The following CAMTA1 variants were observed in gnomAD, a reference collection of about 807,000 sequenced individuals.
CAMTA1 encodes calmodulin-binding transcription activator 1.
A neutral mutation model predicts 170.9 loss-of-function variants in CAMTA1; 27 were observed. The observed-to-expected ratio is 0.16, with a 90% CI of 0.12 to 0.22. The LOEUF (loss-of-function observed/expected upper bound fraction) is 0.22, where lower values mean the gene tolerates loss of function less well. Among genes scored for constraint, CAMTA1 ranks in the 10% least tolerant of loss-of-function variants. The pLI, the probability that CAMTA1 is intolerant of heterozygous loss-of-function variation, is 1.00. For synonymous variants in CAMTA1, 833 were observed against 891.5 expected, an observed-to-expected ratio of 0.93 and a Z score of 1.17; for missense variants, 1,619 against 2,217.2, an observed-to-expected ratio of 0.73 and a Z score of 5.42.
In CAMTA1 at chr1:7,104,044, A is replaced by T. The variant is rs904864559; in HGVS notation, c.302+12673A>T. Among the ~76,000 whole-genome samples the T allele has an allele frequency of 6.0e-5, 9 of 150,418 alleles. No individual in the cohort carries two copies. In the East Asian group the frequency reaches 1.8e-3, roughly 30 times the overall value. ...TGTACACACTACATATGCATACAAC[A>T]CACACAACTACACAGATGTACACAC... On this transcript the variant is annotated intron_variant, in intron 4 of 22. Coordinates refer to ENST00000303635, the MANE Select transcript of CAMTA1 (RefSeq NM_015215.4).
intron 4 of CAMTA1, among the ~76,000 whole-genome samples, chr1:7,094,668 C>T (rs1464025549): frequency 6.6e-6 from 1 of 152,110 alleles, no homozygotes; most frequent in Non-Finnish European, 1.5e-5. Flanking sequence ...CCGGGAGCCC[C>T]AGCTCACCTG....
intron 6 of CAMTA1, among the ~76,000 whole-genome samples, chr1:7,502,245 G>A (rs945310002): frequency 1.3e-5 from 2 of 152,174 alleles, no homozygotes; most frequent in African/African-American, 4.8e-5. Flanking sequence ...CCTGGCCAAC[G>A]GCAAGCCTAA....
At chr1:7,366,668 C>T (rs1322287422) in intron 5 of CAMTA1, among the ~76,000 whole-genome samples, 1 of 152,202 alleles carries the variant, frequency 6.6e-6, no homozygotes, top group Non-Finnish European at 1.5e-5. Context: ...TTTTATTTGC[C>T]CAGTCAAGTC....
chr1:7,196,509 C>T (rs1655560512), intron 4 of CAMTA1, among the ~76,000 whole-genome samples: 2 of 152,168 alleles, frequency 1.3e-5, no homozygotes, highest in East Asian at 1.9e-4. Flanking sequence ...TGGAGCACAG[C>T]GTGGCTGGAG....
chr1:7,614,493 C>A (rs372983556), intron 6 of CAMTA1, among the ~76,000 whole-genome samples: 1 of 152,158 alleles, frequency 6.6e-6, no homozygotes, highest in Non-Finnish European at 1.5e-5. Context: ...AGTCACCGTG[C>A]GACCTTCCCG....
At chr1:7,197,676 A>ACACACACACT (rs1655811260) in intron 4 of CAMTA1, among the ~76,000 whole-genome samples, 1 of 129,728 alleles carries the variant, frequency 7.7e-6, no homozygotes, top group African/African-American at 3.3e-5. Flanking sequence ...ACACACACAC[A>ACACACACACT]CAATCTACTT....
In CAMTA1 at chr1:6,918,895, A is replaced by G. The variant is rs1571706797; in HGVS notation, c.234+93685A>G. On this transcript the variant is annotated intron_variant, in intron 3 of 22. Coordinates refer to ENST00000303635, the MANE Select transcript of CAMTA1 (RefSeq NM_015215.4). This position sits in a 1 kb window ranked among gnomAD's most constrained non-coding sequence, Gnocchi z 4.0. The stretch of plus-strand genomic sequence containing the variant: ...AGAACTAGCCGCTCTCATGGCCTCA[A>G]ATTCAAGGGTGTGGCCGCTCCAAAG... 6.6e-6 allele frequency among the ~76,000 whole-genome samples: 1 copy of G among 152,182 alleles called. No homozygotes were observed. Among genetic ancestry groups the G allele is most frequent in the East Asian group, 1.9e-4 (1 of 5,192 alleles).
intron 4 of CAMTA1, among the ~76,000 whole-genome samples, chr1:7,145,639 T>C (rs1274520157): frequency 1.3e-5 from 2 of 152,084 alleles, no homozygotes; most frequent in African/African-American, 2.4e-5. Flanking sequence ...GACAGCTTAG[T>C]GTCCGGAACC....
intron 6 of CAMTA1, among the ~76,000 whole-genome samples, chr1:7,501,653 C>A (rs1202403820): frequency 6.6e-6 from 1 of 151,868 alleles, no homozygotes; most frequent in Non-Finnish European, 1.5e-5. Context: ...ATGTCCCACA[C>A]AGTATTTGGG....
At chr1:7,698,323 G>C (rs1200119845) in intron 11 of CAMTA1, 1 of 152,224 alleles carries the variant, frequency 6.6e-6, no homozygotes, top group Admixed American at 6.5e-5. Flanking sequence ...TTTTAAGAAG[G>C]TTTACGAATT....
chr1:7,257,924 T>C (rs1667656203), intron 5 of CAMTA1, among the ~76,000 whole-genome samples: 1 of 152,198 alleles, frequency 6.6e-6, no homozygotes, highest in Admixed American at 6.5e-5. Context: ...AGACACATCA[T>C]TGATGTGGGG....
chr1:7,688,666 T>C (rs1270225134), intron 11 of CAMTA1, among the ~76,000 whole-genome samples: 1 of 152,188 alleles, frequency 6.6e-6, no homozygotes, highest in East Asian at 1.9e-4. Flanking sequence ...GAGGACACCC[T>C]TCCCATCCAG....
intron 5 of CAMTA1, among the ~76,000 whole-genome samples, chr1:7,386,045 A>G (rs1010078482): frequency 6.6e-6 from 1 of 152,182 alleles, no homozygotes; most frequent in African/African-American, 2.4e-5. Context: ...GCTCCCCCAG[A>G]GAATGAAAGG....
chr1:7,359,252 C>CTG (rs2308069), intron 5 of CAMTA1, among the ~76,000 whole-genome samples: 104,214 of 151,822 alleles, frequency 0.69, 36,394 homozygotes, highest in Middle Eastern at 0.77. Flanking sequence ...TTCCTCATCT[C>CTG]TGCCATGTGC....
chr1:7,737,857 G>A (rs948652757), intron 15 of CAMTA1, 102 bp from the exon 16 acceptor site: 21 of 1,248,430 alleles, frequency 1.7e-5, no homozygotes, highest in Admixed American at 2.3e-5. Context: ...CTTGAGTTCC[G>A]GCTTTGCACT....
chr1:6,903,928 T>C (rs909871305), intron 3 of CAMTA1, among the ~76,000 whole-genome samples: 2 of 152,212 alleles, frequency 1.3e-5, no homozygotes, highest in Admixed American at 6.5e-5. Context: ...GTGTCATCGT[T>C]GGGCAAGACT....
intron 3 of CAMTA1, among the ~76,000 whole-genome samples, chr1:6,927,529 G>C (rs931478229): frequency 6.6e-6 from 1 of 152,168 alleles, no homozygotes; most frequent in East Asian, 1.9e-4. Flanking sequence ...TGCCTATCAG[G>C]CACTGGACAA....
intron 11 of CAMTA1, among the ~76,000 whole-genome samples, chr1:7,719,392 G>C (rs150776722): frequency 6.6e-6 from 1 of 152,174 alleles, no homozygotes; most frequent in Non-Finnish European, 1.5e-5. Flanking sequence ...CTGTTGGTCC[G>C]TTGTTTTGGC....
Position 6,785,510 on chromosome 1 carries a change from C to G in CAMTA1, c.-21C>G. On this transcript the variant is annotated 5_prime_UTR_variant, in exon 1 of 23. Coordinates refer to ENST00000303635, the MANE Select transcript of CAMTA1 (RefSeq NM_015215.4). ...CGGTACGAGGCGCGCGCTCGGGGTC[C>G]CGGTCGCGAGGAGGAGGAGGATGTG... 9.6e-7 allele frequency: 1 copy of G among 1,043,358 alleles called. No homozygotes were observed. The highest frequency in any genetic ancestry group is 1.2e-6 in the Non-Finnish European group (1 of 859,444). The allele number at this position is 1,043,358 out of a possible 1,614,324, so 64.6% of individuals were successfully genotyped here.
Sources: gnomAD v4.1 joint callset for allele counts (sites outside exome capture counted in the v4.1 genomes callset) on GRCh38, gnomAD v4.1.1 for gene constraint, Gnocchi (gnomAD v3.1) non-coding constraint, MANE v1.5 for transcripts, NCBI Gene and HGNC (gene_info 2026-07-23, HGNC 2026-07-21) for gene names.